Variants in MMP16 observed in about 807,000 individuals in gnomAD.
The protein encoded by MMP16 is matrix metallopeptidase 16.
Under a neutral mutation model 67.8 loss-of-function variants are expected in MMP16, and 12 were observed. The ratio of observed to expected loss-of-function variants is 0.18; its 90% CI spans 0.11 to 0.29. The LOEUF is 0.29. MMP16 is among the 10% of genes least tolerant of loss of function. The pLI is 1.00. For synonymous variants in MMP16, 249 were observed against 255.9 expected, an observed-to-expected ratio of 0.97 and a Z score of 0.26; for missense variants, 475 against 765.7, an observed-to-expected ratio of 0.62 and a Z score of 4.48.
chr8:88,327,057 A>G lies in MMP16; in HGVS notation c.132+18T>C. 1 of 1,613,500 alleles carries G rather than the reference A, an allele frequency of 6.2e-7. No homozygotes were observed. Among genetic ancestry groups the G allele is most frequent in the Non-Finnish European group, 8.5e-7 (1 of 1,179,594 alleles). ...AGCCCAGGCAGCGGGGGGAGGAAGAAAGCCCTCGCACTCTTACCTCCACAT... is the reference window on the plus strand; with the variant it reads ...AGCCCAGGCAGCGGGGGGAGGAAGAGAGCCCTCGCACTCTTACCTCCACAT... On this transcript the variant is annotated intron_variant, in intron 1 of 9. Coordinates refer to ENST00000286614, the MANE Select transcript of MMP16 (RefSeq NM_005941.5).
At position 88,040,282 on chromosome 8, in the gene MMP16, T is replaced by C. The variant is rs536223338; in HGVS notation, c.*1179A>G. 6.5e-6 allele frequency: 1 copy of C among 152,768 alleles called. No individual in the cohort carries two copies. The highest frequency in any genetic ancestry group is 1.9e-4 in the East Asian group (1 of 5,190). 9.5% of individuals were successfully genotyped at this position (152,768 alleles called of 1,614,324 possible). ...TCTGTTTGTTATAAACACATTTATG[T>C]AGTCTTGTAAATCATTTAAAAATTA... On this transcript the variant is annotated 3_prime_UTR_variant, in exon 10 of 10. Transcript: ENST00000286614.
chr8:88,213,884 C>T (rs957514661), intron 1 of MMP16, among the ~76,000 whole-genome samples: 1 of 152,086 alleles, frequency 6.6e-6, no homozygotes, highest in African/African-American at 2.4e-5. Context: ...CCTTCCCATC[C>T]CTCAAAAACC....
chr8:88,046,569 A>G (rs918634928), intron 9 of MMP16, 100 bp downstream of exon 9: 11 of 623,892 alleles, frequency 1.8e-5, no homozygotes, highest in Non-Finnish European at 2.7e-5. Context: ...ACATAGCTCT[A>G]GTATAGCACT....
intron 1 of MMP16, among the ~76,000 whole-genome samples, chr8:88,272,892 G>T (rs1212688750): frequency 1.3e-5 from 2 of 152,050 alleles, no homozygotes; most frequent in African/African-American, 4.8e-5. Context: ...CTTCCCCAGA[G>T]ACTGTTAAGA....
intron 4 of MMP16, among the ~76,000 whole-genome samples, chr8:88,129,516 C>T (rs1402650464): frequency 6.6e-6 from 1 of 151,404 alleles, no homozygotes; most frequent in Non-Finnish European, 1.5e-5. Flanking sequence ...TTCAGATTTC[C>T]TGATCATTTC....
intron 1 of MMP16, among the ~76,000 whole-genome samples, chr8:88,294,473 C>T (rs1281054700): frequency 6.7e-6 from 1 of 149,608 alleles, no homozygotes; most frequent in Admixed American, 6.7e-5. Flanking sequence ...TCTGTACACA[C>T]ATATGTATGT....
chr8:88,307,089 CA>C (rs377712483), intron 1 of MMP16, among the ~76,000 whole-genome samples: 2 of 152,160 alleles, frequency 1.3e-5, no homozygotes, highest in Non-Finnish European at 2.9e-5. Context: ...TCTCAGAATA[CA>C]AAATCAATGT....
chr8:88,264,930 A>C (rs926448501), intron 1 of MMP16, among the ~76,000 whole-genome samples: 9 of 152,234 alleles, frequency 5.9e-5, no homozygotes, highest in Admixed American at 5.9e-4. Flanking sequence ...CAAGACGACT[A>C]GTGTTTCCAA....
intron 4 of MMP16, among the ~76,000 whole-genome samples, chr8:88,131,509 T>C (rs1428861273): frequency 1.3e-5 from 2 of 151,768 alleles, no homozygotes; most frequent in South Asian, 2.1e-4. Context: ...ACACTATTCA[T>C]AGGAGATACA....
At chr8:88,047,040 C>T (rs976071168) in intron 8 of MMP16, among the ~76,000 whole-genome samples, 1 of 152,086 alleles carries the variant, frequency 6.6e-6, no homozygotes, top group Non-Finnish European at 1.5e-5. Context: ...TTGTCCATAT[C>T]CTGCCTGTGT....
intron 4 of MMP16, among the ~76,000 whole-genome samples, chr8:88,161,155 C>T (rs555594585): frequency 5.7e-4 from 87 of 152,160 alleles, no homozygotes; most frequent in East Asian, 2.9e-3. Context: ...TGGTAGAATT[C>T]GGCTGTGAAT....
intron 2 of MMP16, among the ~76,000 whole-genome samples, chr8:88,190,129 A>C (rs74393584): frequency 0.14 from 21,034 of 152,226 alleles, 1,703 homozygotes; most frequent in Non-Finnish European, 0.17. Context: ...CACATAAGAA[A>C]TAAGCATAAC....
intron 6 of MMP16, among the ~76,000 whole-genome samples, chr8:88,116,224 A>G (rs147494747): frequency 1.1e-4 from 17 of 152,198 alleles, no homozygotes; most frequent in African/African-American, 4.1e-4. Flanking sequence ...GATTCAAATT[A>G]TGCTATTTTA....
intron 6 of MMP16, among the ~76,000 whole-genome samples, chr8:88,085,341 C>G (rs921646007): frequency 2.0e-5 from 3 of 152,036 alleles, no homozygotes; most frequent in Non-Finnish European, 4.4e-5. Context: ...CTGACACAAG[C>G]TGGTTTTTGG....
At chr8:88,248,968 A>C (rs898979337) in intron 1 of MMP16, among the ~76,000 whole-genome samples, 20 of 151,920 alleles carry the variant, frequency 1.3e-4, no homozygotes, top group African/African-American at 4.8e-4. Context: ...TTTCTTGTAA[A>C]ATTAAACTGC....
At chr8:88,184,962 G>A (rs1484372651) in intron 3 of MMP16, among the ~76,000 whole-genome samples, 2 of 151,936 alleles carry the variant, frequency 1.3e-5, no homozygotes, top group South Asian at 2.1e-4. Context: ...ATAGATTGTA[G>A]AGATGATAAA....
At chr8:88,227,598 C>A (rs1354253621) in intron 1 of MMP16, among the ~76,000 whole-genome samples, 1 of 152,134 alleles carries the variant, frequency 6.6e-6, no homozygotes, top group East Asian at 1.9e-4. Context: ...CATTATGAAT[C>A]AGCATCTGAA....
At chr8:88,111,621 C>A (rs1032959773) in intron 6 of MMP16, among the ~76,000 whole-genome samples, 4 of 151,622 alleles carry the variant, frequency 2.6e-5, no homozygotes, top group Admixed American at 1.3e-4. Flanking sequence ...TTATTCAAGT[C>A]AGTTATTGAA....
intron 1 of MMP16, among the ~76,000 whole-genome samples, chr8:88,215,856 G>A (rs1383856942): frequency 6.6e-6 from 1 of 152,038 alleles, no homozygotes; most frequent in Non-Finnish European, 1.5e-5. Flanking sequence ...TGACATGTAT[G>A]GCTAATAGAC....
Sources: allele counts gnomAD v4.1 joint callset (sites outside exome capture counted in the v4.1 genomes callset), GRCh38; gene constraint gnomAD v4.1.1; transcripts MANE v1.5; gene names NCBI Gene and HGNC (gene_info 2026-07-23, HGNC 2026-07-21).